Variants in GAS2 observed in about 807,000 individuals in gnomAD.
GAS2 encodes the protein growth arrest-specific protein 2.
A neutral mutation model predicts 37.5 loss-of-function variants in GAS2; 20 were observed. The observed-to-expected ratio is 0.53, with a 90% CI of 0.37 to 0.77. GAS2 has a LOEUF of 0.77. Ranked by LOEUF, GAS2 falls within the 30% of genes least tolerant of loss-of-function variation. GAS2 has a pLI of 0.00. For synonymous variants in GAS2, 144 were observed against 132.2 expected (o/e 1.09, Z -0.61); for missense variants, 336 against 373.4 (o/e 0.90, Z 0.82).
At chr11:22,781,961 T>G (rs1361506238) in intron 7 of GAS2, among the ~76,000 whole-genome samples, 5 of 152,162 alleles carry the variant, frequency 3.3e-5, no homozygotes, top group Admixed American at 3.3e-4. Context: ...ATATAAAAAT[T>G]GTTTCTTTAT....
chr11:22,655,659 T>C (rs1038225046), intron 1 of GAS2, among the ~76,000 whole-genome samples: 3 of 152,220 alleles, frequency 2.0e-5, no homozygotes, highest in Non-Finnish European at 4.4e-5. Context: ...TTCCTACACA[T>C]AATTTGGTTT....
chr11:22,707,632 CA>C (rs936835073), intron 3 of GAS2, among the ~76,000 whole-genome samples: 2 of 151,658 alleles, frequency 1.3e-5, no homozygotes, highest in African/African-American at 2.4e-5. Flanking sequence ...AAACATGGTG[CA>C]AAAAAATGTA....
At chr11:22,751,288 C>T (rs1384988873) in intron 6 of GAS2, among the ~76,000 whole-genome samples, 2 of 151,940 alleles carry the variant, frequency 1.3e-5, no homozygotes, top group Non-Finnish European at 2.9e-5. Context: ...TTTTAAACAC[C>T]TTTCCATCTT....
At chr11:22,634,008 T>C (rs1008132920) in intron 1 of GAS2, among the ~76,000 whole-genome samples, 3 of 151,988 alleles carry the variant, frequency 2.0e-5, no homozygotes, top group Admixed American at 6.6e-5. Context: ...CAAGAGGAAG[T>C]GTATTAGTCT....
At chr11:22,691,047 G>A (rs1287618837) in intron 3 of GAS2, among the ~76,000 whole-genome samples, 1 of 152,042 alleles carries the variant, frequency 6.6e-6, no homozygotes, top group Non-Finnish European at 1.5e-5. Context: ...GAGTTTCTCT[G>A]GGTTTAGAGC....
intron 4 of GAS2, among the ~76,000 whole-genome samples, chr11:22,727,798 G>A (rs1283757261): frequency 6.6e-6 from 1 of 151,890 alleles, no homozygotes; most frequent in East Asian, 1.9e-4. Context: ...TCAGTCCTGT[G>A]GTTAATTTAC....
intron 1 of GAS2, among the ~76,000 whole-genome samples, chr11:22,641,507 C>T (rs1848629795): frequency 6.6e-6 from 1 of 150,882 alleles, no homozygotes; most frequent in Admixed American, 6.7e-5. Flanking sequence ...CCACACACCC[C>T]ACGACAGGCC....
chr11:22,657,041 A>G (rs1243505545), intron 1 of GAS2, among the ~76,000 whole-genome samples: 1 of 152,240 alleles, frequency 6.6e-6, no homozygotes, highest in Non-Finnish European at 1.5e-5. Context: ...ACAGTGAAGT[A>G]GAAAGAATCT....
chr11:22,680,165 A>T (rs1366740128), intron 2 of GAS2, among the ~76,000 whole-genome samples: 1 of 152,078 alleles, frequency 6.6e-6, no homozygotes, highest in Non-Finnish European at 1.5e-5. Flanking sequence ...CAGGGTTCTC[A>T]CATTCTTGGT....
At chr11:22,802,062 A>G (rs1038674761) in intron 7 of GAS2, among the ~76,000 whole-genome samples, 1 of 152,134 alleles carries the variant, frequency 6.6e-6, no homozygotes, top group Admixed American at 6.6e-5. Context: ...TTTCCTCTTG[A>G]CAAGGAATGT....
chr11:22,710,632 A>G (rs1231928430), intron 3 of GAS2, among the ~76,000 whole-genome samples: 2 of 152,032 alleles, frequency 1.3e-5, no homozygotes, highest in East Asian at 3.9e-4. Context: ...ATTATCTATA[A>G]TTAATAATAA....
At chr11:22,678,444 T>TAAAAAGA (rs1426403430) in intron 2 of GAS2, among the ~76,000 whole-genome samples, 2 of 152,106 alleles carry the variant, frequency 1.3e-5, no homozygotes, top group African/African-American at 4.8e-5. Context: ...AGTCTTGCTT[T>TAAAAAGA]TTATCTACTT....
intron 7 of GAS2, among the ~76,000 whole-genome samples, chr11:22,794,595 C>G (rs931359974): frequency 5.9e-5 from 9 of 152,048 alleles, no homozygotes; most frequent in Non-Finnish European, 1.2e-4. Context: ...TAACACTGGT[C>G]AAATCATTAT....
At chr11:22,646,907 T>A (rs1386983424) in intron 1 of GAS2, among the ~76,000 whole-genome samples, 1 of 146,300 alleles carries the variant, frequency 6.8e-6, no homozygotes, top group Non-Finnish European at 1.6e-5. Context: ...CTTTCCTTCT[T>A]TCTTTCTTTT....
intron 1 of GAS2, among the ~76,000 whole-genome samples, chr11:22,629,329 T>G (rs949637773): frequency 6.6e-6 from 1 of 152,142 alleles, no homozygotes; most frequent in Non-Finnish European, 1.5e-5. Flanking sequence ...CGTGCCAGCA[T>G]CTATTGTTTT....
At chr11:22,773,721 G>A (rs1478891002) in intron 7 of GAS2, among the ~76,000 whole-genome samples, 2 of 152,120 alleles carry the variant, frequency 1.3e-5, no homozygotes, top group African/African-American at 4.8e-5. Context: ...TCTGAAGCAA[G>A]ATGGCCCTTT....
At chr11:22,666,921 A>G (rs1225867260) in intron 1 of GAS2, 22 bp downstream of exon 1, 1 of 152,248 alleles carries the variant, frequency 6.6e-6, no homozygotes, top group Non-Finnish European at 1.5e-5. Flanking sequence ...TGGCTGGCCC[A>G]GTTCTGCGCC....
At chr11:22,658,911 G>A (rs1848885561) in intron 1 of GAS2, among the ~76,000 whole-genome samples, 5 of 152,214 alleles carry the variant, frequency 3.3e-5, no homozygotes, top group Admixed American at 3.3e-4. Flanking sequence ...CAATTGTGGG[G>A]ATGAGATTAG....
intron 3 of GAS2, among the ~76,000 whole-genome samples, chr11:22,712,115 A>T (rs1046688548): frequency 1.3e-5 from 2 of 152,204 alleles, no homozygotes; most frequent in Non-Finnish European, 2.9e-5. Flanking sequence ...ACAGCAACTC[A>T]TAACAGAACA....
Sources: allele counts gnomAD v4.1 joint callset (sites outside exome capture counted in the v4.1 genomes callset), GRCh38; gene constraint gnomAD v4.1.1; transcripts MANE v1.5; gene names NCBI Gene and HGNC (gene_info 2026-07-23, HGNC 2026-07-21).